The following PTPRD variants were observed in gnomAD, a reference collection of about 807,000 sequenced individuals.
PTPRD encodes protein tyrosine phosphatase receptor type D, also known as receptor-type tyrosine-protein phosphatase delta.
A neutral mutation model predicts 214.5 loss-of-function variants in PTPRD; 34 were observed. The observed-to-expected ratio is 0.16, with a 90% CI of 0.12 to 0.21. PTPRD has a LOEUF of 0.21. PTPRD is among the 10% of genes least tolerant of loss of function. The pLI, the probability that PTPRD is intolerant of heterozygous loss-of-function variation, is 1.00. For synonymous variants in PTPRD, 1,128 were observed against 845.7 expected (o/e 1.33, Z -5.79); for missense variants, 2,545 against 2,398.7 (o/e 1.06, Z -1.27).
At chr9:8,537,501 G>A (rs755317107) in intron 14 of PTPRD, among the ~76,000 whole-genome samples, 3 of 151,962 alleles carry the variant, frequency 2.0e-5, no homozygotes, top group Non-Finnish European at 2.9e-5. Context: ...GTCTTAATAT[G>A]GCTATAAATC....
At chr9:8,430,270 T>TA (rs1247835029) in intron 35 of PTPRD, among the ~76,000 whole-genome samples, 1 of 150,984 alleles carries the variant, frequency 6.6e-6, no homozygotes, top group Non-Finnish European at 1.5e-5. Flanking sequence ...TTTTTTTTAT[T>TA]TTTTTTTTAC....
chr9:8,439,393 G>C (rs778379910), intron 34 of PTPRD, among the ~76,000 whole-genome samples: 2 of 152,194 alleles, frequency 1.3e-5, no homozygotes, highest in Non-Finnish European at 1.5e-5. Context: ...ACAGAGAAGG[G>C]TCTATTGGTG....
In PTPRD at chr9:8,338,952, G is replaced by T; in HGVS notation, c.5349C>A (p.Ile1783=). ...CATCTGTGACCTTGAATTCCCTTAG[G>T]ATATACTGTGGCATGTTGTACTCAG... ...PMAEYNMPQY[I]LREFKVTDAR... Residue 1783 remains isoleucine (I), a synonymous_variant, in exon 43 of 46, where the codon ATC becomes ATA. Transcript: ENST00000381196. 6.2e-7 allele frequency: 1 copy of T among 1,611,862 alleles called. No homozygotes were observed. Among genetic ancestry groups the T allele is most frequent in the Non-Finnish European group, 8.5e-7 (1 of 1,178,554 alleles).
chr9:8,875,371 T>G (rs1170064310), intron 11 of PTPRD, among the ~76,000 whole-genome samples: 5 of 151,916 alleles, frequency 3.3e-5, no homozygotes, highest in South Asian at 2.1e-4. Flanking sequence ...AAATAATTTT[T>G]TTTTTAATTA....
intron 3 of PTPRD, among the ~76,000 whole-genome samples, chr9:10,232,027 TGA>T (rs1554905647): frequency 0.029 from 4,209 of 142,810 alleles, 278 homozygotes; most frequent in Admixed American, 0.15. Flanking sequence ...TGTGTGTGTG[TGA>T]GGTGCACTCT....
At chr9:9,228,716 C>T (rs1283943008) in intron 9 of PTPRD, among the ~76,000 whole-genome samples, 2 of 152,082 alleles carry the variant, frequency 1.3e-5, no homozygotes, top group Non-Finnish European at 1.5e-5. Flanking sequence ...GGAGATTAAA[C>T]GTCATTATGT....
At chr9:10,329,536 C>T (rs551049445) in intron 3 of PTPRD, among the ~76,000 whole-genome samples, 1 of 151,894 alleles carries the variant, frequency 6.6e-6, no homozygotes, top group South Asian at 2.1e-4. Flanking sequence ...ATCAAATGGT[C>T]TGTCTGTCTC....
intron 37 of PTPRD, among the ~76,000 whole-genome samples, chr9:8,379,475 A>G (rs1169468445): frequency 2.0e-5 from 3 of 152,132 alleles, no homozygotes; most frequent in Non-Finnish European, 4.4e-5. Context: ...TGCTAAACAT[A>G]TGATTTCTGA....
At chr9:9,034,146 G>A (rs755701525) in intron 10 of PTPRD, among the ~76,000 whole-genome samples, 4 of 152,096 alleles carry the variant, frequency 2.6e-5, no homozygotes, top group Non-Finnish European at 5.9e-5. Flanking sequence ...AGTGAGTATT[G>A]CACAGTGCAC....
intron 10 of PTPRD, among the ~76,000 whole-genome samples, chr9:9,142,452 T>A (rs887319190): frequency 6.6e-6 from 1 of 152,246 alleles, no homozygotes; most frequent in African/African-American, 2.4e-5. Context: ...GGGTAAGTGG[T>A]TGCCATCAGC....
At chr9:9,786,067 C>T (rs528750618) in intron 5 of PTPRD, among the ~76,000 whole-genome samples, 106 of 152,230 alleles carry the variant, frequency 7.0e-4, no homozygotes, top group African/African-American at 2.4e-3. Context: ...ATTTCATTAT[C>T]AATAATACAA....
intron 3 of PTPRD, among the ~76,000 whole-genome samples, chr9:10,119,950 T>C (rs2098761773): frequency 6.6e-6 from 1 of 152,046 alleles, no homozygotes. Context: ...TCTTTCACGA[T>C]GTTTCCTTCA....
chr9:9,768,314 G>T (rs557233644), intron 5 of PTPRD, among the ~76,000 whole-genome samples: 1 of 152,172 alleles, frequency 6.6e-6, no homozygotes, highest in East Asian at 1.9e-4. Flanking sequence ...AACAGTTTTT[G>T]GGACATAGTG....
intron 31 of PTPRD, among the ~76,000 whole-genome samples, chr9:8,466,342 A>T (rs2096543866): frequency 6.6e-6 from 1 of 151,906 alleles, no homozygotes; most frequent in Non-Finnish European, 1.5e-5. Context: ...CTCTCTTGGG[A>T]GTGTGTATAT....
rs535947322 is a variant in PTPRD at position 8,515,181 on chromosome 9, A to G, written c.1543+2667T>C. 3.9e-5 allele frequency among the ~76,000 whole-genome samples: 6 copies of G among 152,324 alleles called. No homozygotes were observed. In the South Asian group the frequency reaches 1.2e-3, roughly 32 times the overall value. On this transcript the variant is annotated intron_variant, in intron 21 of 45. Transcript: ENST00000381196. Reference sequence around the variant, plus strand: ...TTTAAATTCTGCTTTTGCACTTAGTAACCTTACGACCTACGGCAAGTTTCT... The same window carrying G: ...TTTAAATTCTGCTTTTGCACTTAGTGACCTTACGACCTACGGCAAGTTTCT...
chr9:9,257,606 G>A (rs1428384673), intron 9 of PTPRD, among the ~76,000 whole-genome samples: 1 of 151,904 alleles, frequency 6.6e-6, no homozygotes, highest in Non-Finnish European at 1.5e-5. Context: ...AGACTGGGCA[G>A]CATAGTGAGA....
At chr9:9,359,935 C>G (rs1005185769) in intron 9 of PTPRD, among the ~76,000 whole-genome samples, 1 of 151,268 alleles carries the variant, frequency 6.6e-6, no homozygotes, top group African/African-American at 2.4e-5. Flanking sequence ...TCCATTTCAA[C>G]ACAACATAAT....
At chr9:8,950,541 C>T (rs995094580) in intron 11 of PTPRD, among the ~76,000 whole-genome samples, 8 of 150,904 alleles carry the variant, frequency 5.3e-5, no homozygotes, top group Middle Eastern at 3.2e-3. Flanking sequence ...AAGAAGGTTT[C>T]TCAAATAACA....
chr9:10,165,863 G>A (rs1191209524), intron 3 of PTPRD, among the ~76,000 whole-genome samples: 1 of 150,690 alleles, frequency 6.6e-6, no homozygotes, highest in Non-Finnish European at 1.5e-5. Flanking sequence ...TTAAAGGCAT[G>A]AGTTCTGTAA....
Sources: gnomAD v4.1 joint callset for allele counts (sites outside exome capture counted in the v4.1 genomes callset) on GRCh38, gnomAD v4.1.1 for gene constraint, MANE v1.5 for transcripts, NCBI Gene and HGNC (gene_info 2026-07-23, HGNC 2026-07-21) for gene names.